The following CAPN9 variants were observed in gnomAD, a reference collection of about 807,000 sequenced individuals.
CAPN9 encodes calpain-9.
Under a neutral mutation model 92.8 loss-of-function variants are expected in CAPN9, and 81 were observed. The ratio of observed to expected loss-of-function variants is 0.87; its 90% CI spans 0.73 to 1.05. The LOEUF (loss-of-function observed/expected upper bound fraction) is 1.05. Among genes scored for constraint, CAPN9 ranks in the 50% least tolerant of loss-of-function variants. The probability of loss-of-function intolerance (pLI) is 0.00; values close to 1 mark genes in which losing one functional copy is unlikely to be tolerated. For synonymous variants in CAPN9, 304 were observed against 328.0 expected, an observed-to-expected ratio of 0.93 and a Z score of 0.79; for missense variants, 848 against 866.2, an observed-to-expected ratio of 0.98 and a Z score of 0.26.
chr1:230,762,847 G>A (rs974168617), intron 4 of CAPN9, 61 bp downstream of exon 4: 1 of 1,535,470 alleles, frequency 6.5e-7, no homozygotes, highest in Admixed American at 2.0e-5. Flanking sequence ...ACTAGTCTTT[G>A]TAGTGAGCAT....
At chr1:230,756,387 G>A (rs1665230051) in intron 2 of CAPN9, among the ~76,000 whole-genome samples, 1 of 152,150 alleles carries the variant, frequency 6.6e-6, no homozygotes, top group South Asian at 2.1e-4. Flanking sequence ...GGTAGAAAAC[G>A]GATGCATAAT....
chr1:230,781,664 G>A (rs115564863), intron 11 of CAPN9, among the ~76,000 whole-genome samples: 3 of 152,184 alleles, frequency 2.0e-5, no homozygotes, highest in Non-Finnish European at 4.4e-5. Flanking sequence ...ATATTCTAAA[G>A]ATTAAGGAGA....
intron 9 of CAPN9, among the ~76,000 whole-genome samples, chr1:230,779,711 G>A (rs753520120): frequency 6.6e-6 from 1 of 152,060 alleles, no homozygotes; most frequent in African/African-American, 2.4e-5. Context: ...TCCAATCCTC[G>A]GTGGCAAAAA....
At chr1:230,793,774 AT>A in intron 17 of CAPN9, among the ~76,000 whole-genome samples, 1 of 152,290 alleles carries the variant, frequency 6.6e-6, no homozygotes, top group South Asian at 2.1e-4. Flanking sequence ...AAATCAGATG[AT>A]TTATAAATGA....
In CAPN9 at chr1:230,780,837, G is replaced by A. The variant is rs1667169234; in HGVS notation, c.1481+129G>A. 3 of 633,160 alleles carry A rather than the reference G, an allele frequency of 4.7e-6. No individual in the cohort carries two copies. The South Asian group carries it at 6.9e-5, about 15-fold the overall frequency. The allele number at this position is 633,160 out of a possible 1,614,324, so 39.2% of individuals were successfully genotyped here. On this transcript the variant is annotated intron_variant, in intron 11 of 19. Transcript: ENST00000271971. ...CCATGTGTACCTGAGAAACAAGGCA[G>A]GATGGTTTCTTTCTTTTCTTTTATT... is the stretch of plus-strand genomic sequence containing the variant.
chr1:230,748,448 G>A (rs1204923960), intron 1 of CAPN9, among the ~76,000 whole-genome samples: 1 of 152,200 alleles, frequency 6.6e-6, no homozygotes, highest in Non-Finnish European at 1.5e-5. Flanking sequence ...CTCCTGTGGG[G>A]TCCGGTTGCT....
chr1:230,759,366 T>A, intron 2 of CAPN9, 146 bp from the exon 3 acceptor site: 2 of 573,808 alleles, frequency 3.5e-6, no homozygotes, highest in Non-Finnish European at 6.1e-6. Flanking sequence ...GAGGAGAGAG[T>A]TATTTGTTGG....
rs865789945 is a variant in CAPN9, at chr1:230,756,999, A to G, written c.283+1593A>G. 9.3e-5 allele frequency among the ~76,000 whole-genome samples: 12 copies of G among 129,478 alleles called. No individual in the cohort carries two copies. The South Asian group carries it at 1.3e-3, about 14-fold the overall frequency. The allele number at this position is 129,478 out of a possible 152,430, so 84.9% of individuals were successfully genotyped here. A position where few individuals can be genotyped will look rare whatever the true frequency, so the allele number is the denominator to read the frequency against. On this transcript the variant is annotated intron_variant, in intron 2 of 19. Transcript: ENST00000271971. ...AAGGAAGGGAGAGAGGGAGGAAGGGAGGGAGGGAGGATGGAAGGAAGGAAG... is the reference window on the plus strand; with the variant it reads ...AAGGAAGGGAGAGAGGGAGGAAGGGGGGGAGGGAGGATGGAAGGAAGGAAG...
chr1:230,759,565 CT>C lies in CAPN9; in HGVS notation c.338del (p.Leu113ArgfsTer33). 1 of 1,612,040 alleles carries C rather than the reference CT, an allele frequency of 6.2e-7. No individual in the cohort carries two copies. ...CTCCCTTACGCTTAATCAAAAAGCA[CT>C]GGCCAGAGTCATCCCCCAGGACCAA... ...IASLTLNQKALARVIPQDQSF... is the reference protein window; with the variant it reads ...IASLTLNQKAXARVIPQDQSF... On this transcript the variant is annotated frameshift_variant, in exon 3 of 20. Transcript: ENST00000271971. LOFTEE classifies it high-confidence loss of function.
intron 11 of CAPN9, among the ~76,000 whole-genome samples, chr1:230,784,290 C>T (rs1486695968): frequency 6.6e-6 from 1 of 152,180 alleles, no homozygotes; most frequent in Non-Finnish European, 1.5e-5. Context: ...TATGGAGCAA[C>T]CACTTGCTAG....
intron 5 of CAPN9, among the ~76,000 whole-genome samples, chr1:230,768,208 T>G (rs1479841408): frequency 6.6e-6 from 1 of 152,134 alleles, no homozygotes; most frequent in African/African-American, 2.4e-5. Flanking sequence ...CTCTCCAGGC[T>G]GGGTGACAGA....
At chr1:230,759,254 T>C (rs1014333400) in intron 2 of CAPN9, among the ~76,000 whole-genome samples, 1 of 152,178 alleles carries the variant, frequency 6.6e-6, no homozygotes, top group Non-Finnish European at 1.5e-5. Flanking sequence ...CAGGCAGCCA[T>C]ATGTCTGAAA....
intron 8 of CAPN9, among the ~76,000 whole-genome samples, chr1:230,775,708 G>A (rs946804267): frequency 2.0e-5 from 3 of 152,156 alleles, no homozygotes; most frequent in African/African-American, 4.8e-5. Context: ...ACGAGGTCAG[G>A]AGATTGAAAC....
At chr1:230,780,088 G>A (rs1667103771) in intron 9 of CAPN9, 91 bp from the exon 10 acceptor site, 1 of 260,422 alleles carries the variant, frequency 3.8e-6, no homozygotes, top group East Asian at 3.6e-5. Flanking sequence ...GTGCGTGTGT[G>A]TGTGTGTGTG....
intron 4 of CAPN9, among the ~76,000 whole-genome samples, chr1:230,763,459 T>A (rs948811729): frequency 1.3e-5 from 2 of 152,192 alleles, no homozygotes; most frequent in African/African-American, 4.8e-5. Context: ...TTATGATTTA[T>A]CTAGTCTAGG....
chr1:230,751,969 C>T (rs1252487276), intron 1 of CAPN9, among the ~76,000 whole-genome samples: 1 of 152,104 alleles, frequency 6.6e-6, no homozygotes, highest in East Asian at 1.9e-4. Context: ...CACCTCTGAT[C>T]GTCCTATCAC....
chr1:230,773,883 C>T (rs28359666), intron 7 of CAPN9, among the ~76,000 whole-genome samples: 12,601 of 152,084 alleles, frequency 0.083, 699 homozygotes, highest in African/African-American at 0.15. Flanking sequence ...TATTTGGAGG[C>T]GGCTGTGGGA....
At chr1:230,785,938 A>G (rs1667551302) in intron 11 of CAPN9, 43 bp from the exon 12 acceptor site, 2 of 1,595,880 alleles carry the variant, frequency 1.3e-6, no homozygotes, top group Non-Finnish European at 8.6e-7. Flanking sequence ...CCCAATGGGA[A>G]GTTAATCCAC....
In CAPN9 at chr1:230,792,762, C is replaced by G. The variant is rs1380756622; in HGVS notation, c.1792-88C>G. Reference sequence around the variant, plus strand: ...CCTCTGCGGCCCCTAGAGGGTAGCTCCCCCGGGCTGGCTGTCACCCATTTA... The same window carrying G: ...CCTCTGCGGCCCCTAGAGGGTAGCTGCCCCGGGCTGGCTGTCACCCATTTA... On this transcript the variant is annotated intron_variant, in intron 16 of 19. Coordinates refer to ENST00000271971, the MANE Select transcript of CAPN9 (RefSeq NM_006615.3). 8.0e-6 allele frequency: 9 copies of G among 1,123,274 alleles called. No individual in the cohort carries two copies. In the East Asian group the frequency reaches 2.1e-4, roughly 26 times the overall value. The allele number at this position is 1,123,274 out of a possible 1,614,324, so 69.6% of individuals were successfully genotyped here. A position where few individuals can be genotyped will look rare whatever the true frequency, so the allele number is the denominator to read the frequency against.
Sources: allele counts gnomAD v4.1 joint callset (sites outside exome capture counted in the v4.1 genomes callset), GRCh38; gene constraint gnomAD v4.1.1; transcripts MANE v1.5; gene names NCBI Gene and HGNC (gene_info 2026-07-23, HGNC 2026-07-21).